Variants in CARS1 observed in about 807,000 individuals in gnomAD.
CARS1 encodes cysteine--tRNA ligase, cytoplasmic.
CARS1 carries 48 observed loss-of-function variants against 106.2 expected under a neutral mutation model. The observed-to-expected ratio is 0.45, with a 90% CI of 0.36 to 0.57. CARS1 has a LOEUF of 0.57. Among genes scored for constraint, CARS1 ranks in the 20% least tolerant of loss-of-function variants. The probability of loss-of-function intolerance (pLI) is 0.00; values close to 1 mark genes in which losing one functional copy is unlikely to be tolerated. For missense variants in CARS1, 968 were observed against 1,057.2 expected, an observed-to-expected ratio of 0.92 and a Z score of 1.17; for synonymous variants, 409 against 403.4, an observed-to-expected ratio of 1.01 and a Z score of -0.17.
At position 3,039,250 on chromosome 11, in the gene CARS1, G is replaced by A. The variant is rs555551728; in HGVS notation, c.595C>T (p.Arg199Trp). 22 of 1,613,854 alleles carry A rather than the reference G, an allele frequency of 1.4e-5. No homozygotes were observed. The highest frequency in any genetic ancestry group is 2.2e-5 in the East Asian group (1 of 44,886). ...TGTGCCGCTTCAGGCCTCTTCTCCC[G>A]ATACTGCTCGAACAGGTGGTTCTGC... ...ARQNHLFEQYREKRPEAAQLL... is the reference protein window; with the variant it reads ...ARQNHLFEQYWEKRPEAAQLL... Residue 199 changes from arginine to tryptophan, a missense_variant, in exon 6 of 23, where the codon CGG becomes TGG. Coordinates refer to ENST00000380525, the MANE Select transcript of CARS1 (RefSeq NM_001014437.3). This position sits in a 1 kb window ranked among gnomAD's most constrained non-coding sequence, Gnocchi z 5.6.
At position 3,038,871 on chromosome 11, in the gene CARS1, G is replaced by C. The variant is rs1854036802; in HGVS notation, c.651+323C>G. Among the ~76,000 whole-genome samples, 1 of 152,152 alleles carries C rather than the reference G, an allele frequency of 6.6e-6. No individual in the cohort carries two copies. The highest frequency in any genetic ancestry group is 2.4e-5 in the African/African-American group (1 of 41,432). ...AGTTTCTGATTTAGTTGTAACCTTG[G>C]CATTGAAAATTAGACAGCAATATTG... is the stretch of plus-strand genomic sequence containing the variant. On this transcript the variant is annotated intron_variant, in intron 6 of 22. Transcript: ENST00000380525. This position sits in a 1 kb window ranked among gnomAD's most constrained non-coding sequence, Gnocchi z 4.0.
Position 3,028,300 on chromosome 11 carries a change from G to A in CARS1, c.1031+696C>T, listed in dbSNP as rs1400779613. On this transcript the variant is annotated intron_variant, in intron 9 of 22. Transcript: ENST00000380525. This position sits in a 1 kb window ranked among gnomAD's most constrained non-coding sequence, Gnocchi z 4.4. ...ATATCAGTGCAGCCTGGCATTCGGG[G>A]CCACTACCGGTCTCCGCGTCTTGGT... The A allele has an allele frequency of 5.7e-6, 3 of 529,252 alleles. No individual in the cohort carries two copies. Among genetic ancestry groups the A allele is most frequent in the Non-Finnish European group, 7.0e-6 (2 of 287,380 alleles). The allele number at this position is 529,252 out of a possible 1,614,324, so 32.8% of individuals were successfully genotyped here.
chr11:3,011,517 G>A (rs1365286538), intron 18 of CARS1, among the ~76,000 whole-genome samples: 1 of 152,178 alleles, frequency 6.6e-6, no homozygotes, highest in Non-Finnish European at 1.5e-5. Context: ...AGGAGGCTGA[G>A]GCAGAAGAAT....
chr11:3,006,370 C>T (rs140909230), intron 19 of CARS1, among the ~76,000 whole-genome samples: 3,146 of 152,266 alleles, frequency 0.021, 54 homozygotes, highest in Non-Finnish European at 0.035. Flanking sequence ...CGCTTGAACC[C>T]GGGAGGCAGA....
Position 3,017,202 on chromosome 11 carries a change from C to G in CARS1, c.1821G>C (p.Gln607His), listed in dbSNP as rs1308829311. 4.3e-6 allele frequency: 7 copies of G among 1,614,196 alleles called. No individual in the cohort carries two copies. The highest frequency in any genetic ancestry group is 4.5e-5 in the East Asian group (2 of 44,880). ...VMEEMRALVS[Q>H]CNLYMAARKA... ...TCCGGGCTGCCATATAGAGGTTGCA[C>G]TGACTGACCAAGGCCCGCATCTCTT... The change falls in exon 16 of 23, where the codon CAG (glutamine) becomes CAC (histidine). Residue 607 changes from glutamine to histidine, a missense_variant. Coordinates refer to ENST00000380525, the MANE Select transcript of CARS1 (RefSeq NM_001014437.3). The surrounding 1 kb of genome is among the most constrained non-coding windows in gnomAD (Gnocchi z 4.9).
chr11:3,001,318 C>T, intron 22 of CARS1, 70 bp from the exon 23 acceptor site: 1 of 1,573,318 alleles, frequency 6.4e-7, no homozygotes, highest in Middle Eastern at 1.8e-4. Context: ...CCTTTCTTTG[C>T]CCTCCCGTCT....
At chr11:3,056,021 G>C (rs1432120063) in intron 1 of CARS1, among the ~76,000 whole-genome samples, 1 of 152,200 alleles carries the variant, frequency 6.6e-6, no homozygotes, top group African/African-American at 2.4e-5. Context: ...TTGGCTCTGG[G>C]ACGGGTGGAG....
intron 16 of CARS1, 123 bp downstream of exon 16, chr11:3,016,983 C>T: frequency 1.4e-6 from 1 of 737,406 alleles, no homozygotes; most frequent in Non-Finnish European, 2.2e-6. Context: ...CTCCACGTCT[C>T]AGAGGTGCTG....
In CARS1 at chr11:3,037,999, G is replaced by T; in HGVS notation, c.801+51C>A. ...CGTGCACACAGATCAGTCTATGCACGGCCCGACATTTGACCCGAACGGGCT... is the reference window on the plus strand; with the variant it reads ...CGTGCACACAGATCAGTCTATGCACTGCCCGACATTTGACCCGAACGGGCT... On this transcript the variant is annotated intron_variant, in intron 7 of 22. Transcript: ENST00000380525. This position sits in a 1 kb window ranked among gnomAD's most constrained non-coding sequence, Gnocchi z 5.9. 7.6e-6 allele frequency: 12 copies of T among 1,568,996 alleles called. No individual in the cohort carries two copies. The highest frequency in any genetic ancestry group is 1.0e-5 in the Non-Finnish European group (12 of 1,145,838).
In CARS1 at chr11:3,029,256, G is replaced by A. The variant is rs757719923; in HGVS notation, c.942+47C>T. The A allele has an allele frequency of 2.4e-5, 38 of 1,598,620 alleles. No individual in the cohort carries two copies. The African/African-American group carries it at 3.1e-4, about 13-fold the overall frequency. ...TGCCAAAACAGGAATTTAGAAATCA[G>A]GGCCCTTAGCGCAAGAGAGCCAGCA... On this transcript the variant is annotated intron_variant, in intron 8 of 22. Transcript: ENST00000380525. The surrounding 1 kb of genome is among the most constrained non-coding windows in gnomAD (Gnocchi z 5.9).
In CARS1 at chr11:3,052,021, G is replaced by C. The variant is rs1855745181; in HGVS notation, c.26-4020C>G. 6.6e-6 allele frequency among the ~76,000 whole-genome samples: 1 copy of C among 152,248 alleles called. No homozygotes were observed. The highest frequency in any genetic ancestry group is 2.4e-5 in the African/African-American group (1 of 41,464). ...CACTGACAGTGACGATGGTTGATGAGAGGGGGTGACAGGTGATTTTAATTC... is the reference window on the plus strand; with the variant it reads ...CACTGACAGTGACGATGGTTGATGACAGGGGGTGACAGGTGATTTTAATTC... On this transcript the variant is annotated intron_variant, in intron 1 of 22. Transcript: ENST00000380525. This position sits in a 1 kb window ranked among gnomAD's most constrained non-coding sequence, Gnocchi z 4.6.
chr11:3,002,816 G>C (rs1422111929), intron 20 of CARS1, among the ~76,000 whole-genome samples: 1 of 152,162 alleles, frequency 6.6e-6, no homozygotes, highest in African/African-American at 2.4e-5. Flanking sequence ...CGGCACCCCT[G>C]GGTGCCTGGC....
chr11:3,030,551 C>T lies in CARS1; in HGVS notation c.802-1108G>A, dbSNP rs1315510327. ...CCCCAAGTACAGGGAAACGCGCATC[C>T]TGGCCCTCAGGATCACCAAGGTCAC... On this transcript the variant is annotated intron_variant, in intron 7 of 22. Coordinates refer to ENST00000380525, the MANE Select transcript of CARS1 (RefSeq NM_001014437.3). This position sits in a 1 kb window ranked among gnomAD's most constrained non-coding sequence, Gnocchi z 5.7. 1 of 152,268 alleles carries T rather than the reference C, an allele frequency of 6.6e-6. No homozygotes were observed. Among genetic ancestry groups the T allele is most frequent in the Non-Finnish European group, 1.5e-5 (1 of 68,068 alleles). 9.4% of individuals were successfully genotyped at this position (152,268 alleles called of 1,614,324 possible). A position where few individuals can be genotyped will look rare whatever the true frequency, so the allele number is the denominator to read the frequency against.
chr11:3,024,449 A>T (rs12798782), intron 10 of CARS1, among the ~76,000 whole-genome samples: 112,776 of 151,142 alleles, frequency 0.75, 42,857 homozygotes, highest in East Asian at 0.85. Context: ...TAAAAAAAAA[A>T]TTTTTTTAAT....
Position 3,004,436 on chromosome 11 carries a change from C to T in CARS1, c.2217+930G>A, listed in dbSNP as rs558254701. On this transcript the variant is annotated intron_variant, in intron 20 of 22. Coordinates refer to ENST00000380525, the MANE Select transcript of CARS1 (RefSeq NM_001014437.3). The surrounding 1 kb of genome is among the most constrained non-coding windows in gnomAD (Gnocchi z 5.2). ...CCTGTCGATTCTCCTTCCTCAGTTCCTCCCAGAGCCTCCTTCCTGAGAGCT... is the reference window on the plus strand; with the variant it reads ...CCTGTCGATTCTCCTTCCTCAGTTCTTCCCAGAGCCTCCTTCCTGAGAGCT... 1.3e-5 allele frequency among the ~76,000 whole-genome samples: 2 copies of T among 152,318 alleles called. No individual in the cohort carries two copies. Among genetic ancestry groups the T allele is most frequent in the East Asian group, 3.9e-4 (2 of 5,180 alleles).
In CARS1 at chr11:3,040,189, C is replaced by G; in HGVS notation, c.456-258G>C. ...CTTATGATTTTCTTCATAATATTTT[C>G]TTTTCTCTGGCTTCCTTTATCATTA... On this transcript the variant is annotated intron_variant, in intron 4 of 22. Coordinates refer to ENST00000380525, the MANE Select transcript of CARS1 (RefSeq NM_001014437.3). The surrounding 1 kb of genome is among the most constrained non-coding windows in gnomAD (Gnocchi z 5.8). 2.4e-6 allele frequency: 1 copy of G among 412,506 alleles called. No homozygotes were observed. The highest frequency in any genetic ancestry group is 6.2e-4 in the Middle Eastern group (1 of 1,602). 25.6% of individuals were successfully genotyped at this position (412,506 alleles called of 1,614,324 possible). A position where few individuals can be genotyped will look rare whatever the true frequency, so the allele number is the denominator to read the frequency against.
At chr11:3,011,635 G>T (rs957560130) in intron 18 of CARS1, among the ~76,000 whole-genome samples, 2 of 152,070 alleles carry the variant, frequency 1.3e-5, no homozygotes. Context: ...CAAACAAAAA[G>T]ATGAAGGAAT....
Position 3,029,076 on chromosome 11 carries a change from A to G in CARS1, c.951T>C (p.Pro317=), listed in dbSNP as rs765160840. Residue 317 remains proline, a synonymous_variant, in exon 9 of 23, where the codon CCT becomes CCC. Transcript: ENST00000380525. This position sits in a 1 kb window ranked among gnomAD's most constrained non-coding sequence, Gnocchi z 5.9. ...CACTAACCCGGGTTAAGACATCTGGAGGGAGAACCTGTGCAAGACATGAGA... is the reference window on the plus strand; with the variant it reads ...CACTAACCCGGGTTAAGACATCTGGGGGGAGAACCTGTGCAAGACATGAGA... ...HRDMEALNVL[P]PDVLTRVSEY... The G allele has an allele frequency of 3.1e-6, 5 of 1,611,612 alleles. No homozygotes were observed. The highest frequency in any genetic ancestry group is 4.2e-6 in the Non-Finnish European group (5 of 1,177,702).
Position 3,043,681 on chromosome 11 carries a change from T to G in CARS1, c.275-1425A>C, listed in dbSNP as rs1251142880. 6.6e-6 allele frequency among the ~76,000 whole-genome samples: 1 copy of G among 152,094 alleles called. No homozygotes were observed. Among genetic ancestry groups the G allele is most frequent in the Admixed American group, 6.6e-5 (1 of 15,264 alleles). On this transcript the variant is annotated intron_variant, in intron 2 of 22. Transcript: ENST00000380525. This position sits in a 1 kb window ranked among gnomAD's most constrained non-coding sequence, Gnocchi z 4.0. ...GCATGGCCAGCAAATTGCCACACAC[T>G]GATCACGGGGAAGTTGGTCCTGGGC...
Sources: allele counts gnomAD v4.1 joint callset (sites outside exome capture counted in the v4.1 genomes callset), GRCh38; gene constraint gnomAD v4.1.1; non-coding constraint Gnocchi (gnomAD v3.1); transcripts MANE v1.5; gene names NCBI Gene and HGNC (gene_info 2026-07-23, HGNC 2026-07-21).